TPST2: variants seen among roughly 807,000 people sequenced by gnomAD.
The protein encoded by TPST2 is protein-tyrosine sulfotransferase 2.
Under a neutral mutation model 27.8 loss-of-function variants are expected in TPST2, and 16 were observed. The ratio of observed to expected loss-of-function variants is 0.58; its 90% confidence interval spans 0.39 to 0.88. The LOEUF (loss-of-function observed/expected upper bound fraction) is 0.88, where lower values mean the gene tolerates loss of function less well. Among genes scored for constraint, TPST2 ranks in the 40% least tolerant of loss-of-function variants. The pLI, the probability that TPST2 is intolerant of heterozygous loss-of-function variation, is 0.00. For synonymous variants in TPST2, 229 were observed against 231.7 expected (o/e 0.99, Z 0.10); for missense variants, 464 against 543.1 (o/e 0.85, Z 1.45).
intron 1 of TPST2, among the ~76,000 whole-genome samples, chr22:26,559,249 C>T (rs143468391): frequency 9.6e-4 from 146 of 152,338 alleles, no homozygotes; most frequent in African/African-American, 3.2e-3. Context: ...GCCTGTAATC[C>T]CAGCTGCTCA....
At chr22:26,577,271 A>G (rs1418263271) in intron 1 of TPST2, among the ~76,000 whole-genome samples, 1 of 151,240 alleles carries the variant, frequency 6.6e-6, no homozygotes, top group Non-Finnish European at 1.5e-5. Context: ...TCTTTAAAAA[A>G]AAAAAAAAAA....
chr22:26,566,812 C>T (rs1216429281), intron 1 of TPST2, among the ~76,000 whole-genome samples: 1 of 152,030 alleles, frequency 6.6e-6, no homozygotes, highest in Non-Finnish European at 1.5e-5. Flanking sequence ...GACAACACTC[C>T]CAATCCCTCT....
At chr22:26,588,233 G>A (rs1319251969) in intron 1 of TPST2, among the ~76,000 whole-genome samples, 1 of 151,628 alleles carries the variant, frequency 6.6e-6, no homozygotes, top group African/African-American at 2.4e-5. Flanking sequence ...ACTGATACAG[G>A]CTGCAAGGGG....
Position 26,560,775 on chromosome 22 carries a change from G to A in TPST2, c.-160-16100C>T, listed in dbSNP as rs964893762. On this transcript the variant is annotated intron_variant, in intron 1 of 6. Coordinates refer to ENST00000338754, the MANE Select transcript of TPST2 (RefSeq NM_003595.5). The stretch of plus-strand genomic sequence containing the variant: ...GAAAACCTATATCCCTCCCAAAGGG[G>A]AGACAAAAAAGAAGTTCAAGGATCC... 4.0e-6 allele frequency: 5 copies of A among 1,241,652 alleles called. No individual in the cohort carries two copies. The African/African-American group carries it at 4.4e-5, about 11-fold the overall frequency. The allele number at this position is 1,241,652 out of a possible 1,614,324, so 76.9% of individuals were successfully genotyped here.
chr22:26,559,342 G>T (rs1234673481), intron 1 of TPST2, among the ~76,000 whole-genome samples: 1 of 152,226 alleles, frequency 6.6e-6, no homozygotes, highest in Non-Finnish European at 1.5e-5. Context: ...CTCCAGCCTG[G>T]ACAACAGAGC....
chr22:26,536,338 G>C lies in TPST2; in HGVS notation c.991C>G (p.Pro331Ala). The C allele has an allele frequency of 6.2e-7, 1 of 1,614,160 alleles. No homozygotes were observed. Among genetic ancestry groups the C allele is most frequent in the South Asian group, 1.1e-5 (1 of 91,086 alleles). Reference protein sequence around the residue: ...AQLGYDPYANPPNYGNPDPFV... With the variant: ...AQLGYDPYANAPNYGNPDPFV... ...GGGTCAGGGTTGCCATAGTTGGGGG[G>C]GTTTGCATAAGGGTCATAGCCGAGC... is the stretch of plus-strand genomic sequence containing the variant. Residue 331 changes from proline (P) to alanine (A), a missense_variant, in exon 4 of 7, where the codon CCC (proline) becomes GCC (alanine). By Grantham distance (27) the Pro-to-Ala change is conservative. Transcript: ENST00000338754.
chr22:26,540,907 C>T lies in TPST2; in HGVS notation c.724G>A (p.Val242Met). 6.2e-7 allele frequency: 1 copy of T among 1,614,206 alleles called. No individual in the cohort carries two copies. Among genetic ancestry groups the T allele is most frequent in the Non-Finnish European group, 8.5e-7 (1 of 1,180,038 alleles). Residue 242 changes from valine (V) to methionine (M), a missense_variant, in exon 3 of 7, where the codon GTG becomes ATG. Transcript: ENST00000338754. The part of the protein sequence containing the change: ...KCLPVYYEQL[V>M]LHPRRSLKLI... ...TTGAGTGAGCGCCTGGGGTGCAGCACCAGCTGCTCGTAGTACACAGGCAGG... is the reference window on the plus strand; with the variant it reads ...TTGAGTGAGCGCCTGGGGTGCAGCATCAGCTGCTCGTAGTACACAGGCAGG...
intron 2 of TPST2, among the ~76,000 whole-genome samples, chr22:26,542,229 GA>G (rs1925897836): frequency 7.0e-6 from 1 of 142,168 alleles, no homozygotes; most frequent in Admixed American, 7.2e-5. Context: ...GCGACAGAGC[GA>G]GACTCCGTCT....
In TPST2 at chr22:26,567,693, T is replaced by C. The variant is rs143266328; in HGVS notation, c.-161+22360A>G. ...CAAACAAATATTTATACTGAGAACA[T>C]ATAAAGAGTTCTGTGAAATCAATTT... On this transcript the variant is annotated intron_variant, in intron 1 of 6. Transcript: ENST00000338754. Among the ~76,000 whole-genome samples the C allele has an allele frequency of 1.7e-3, 258 of 152,232 alleles. 3 individuals carry two copies. The highest frequency in any genetic ancestry group is 5.9e-3 in the African/African-American group (243 of 41,524).
rs149872084 is a variant in TPST2 at position 26,561,421 on chromosome 22, G to T, written c.-160-16746C>A. 8.5e-5 allele frequency among the ~76,000 whole-genome samples: 13 copies of T among 152,264 alleles called. No individual in the cohort carries two copies. In the East Asian group the frequency reaches 2.5e-3, roughly 29 times the overall value. ...TAAATTGGCATGGAAATTTAAAGCGGGTTCTTGTTGGTGCACAGCACAAAT... is the reference window on the plus strand; with the variant it reads ...TAAATTGGCATGGAAATTTAAAGCGTGTTCTTGTTGGTGCACAGCACAAAT... On this transcript the variant is annotated intron_variant, in intron 1 of 6. Transcript: ENST00000338754.
intron 5 of TPST2, among the ~76,000 whole-genome samples, chr22:26,532,037 G>C (rs979724312): frequency 6.6e-6 from 1 of 152,196 alleles, no homozygotes; most frequent in Non-Finnish European, 1.5e-5. Flanking sequence ...GAGGGGCTGA[G>C]GTGAGAGGAT....
chr22:26,535,072 A>C (rs1020229269), intron 4 of TPST2, among the ~76,000 whole-genome samples: 1 of 152,220 alleles, frequency 6.6e-6, no homozygotes, highest in Non-Finnish European at 1.5e-5. Context: ...CCCAAAGCTC[A>C]GCGTTAGTAA....
At chr22:26,538,533 T>C (rs1569179923) in intron 3 of TPST2, among the ~76,000 whole-genome samples, 1 of 152,216 alleles carries the variant, frequency 6.6e-6, no homozygotes, top group Non-Finnish European at 1.5e-5. Flanking sequence ...TTCAAAATGA[T>C]GCTGCAGGTC....
rs1158214765 is a variant in TPST2 at position 26,541,623 on chromosome 22, A to G, written c.8T>C (p.Leu3Pro). Residue 3 changes from leucine (L) to proline (P), a missense_variant, in exon 3 of 7, where the codon CTG becomes CCG. Coordinates refer to ENST00000338754, the MANE Select transcript of TPST2 (RefSeq NM_003595.5). This position sits in a 1 kb window ranked among gnomAD's most constrained non-coding sequence, Gnocchi z 5.9. MR[L>P]SVRRVLLAAG... ...TGCCAGCAGCACCCTCCGCACCGAC[A>G]GGCGCATGCTGGGCCGGAGGCAGGG... 1 of 1,576,174 alleles carries G rather than the reference A, an allele frequency of 6.3e-7. No homozygotes were observed. Among genetic ancestry groups the G allele is most frequent in the Admixed American group, 1.8e-5 (1 of 56,024 alleles).
At chr22:26,574,482 G>A (rs1418250353) in intron 1 of TPST2, among the ~76,000 whole-genome samples, 3 of 151,998 alleles carry the variant, frequency 2.0e-5, no homozygotes, top group Admixed American at 6.6e-5. Context: ...CTGCCTCACG[G>A]GTCACTGTGA....
At chr22:26,547,020 T>C (rs1456140948) in intron 1 of TPST2, among the ~76,000 whole-genome samples, 2 of 152,054 alleles carry the variant, frequency 1.3e-5, no homozygotes, top group Non-Finnish European at 1.5e-5. Flanking sequence ...CACTGCAGAG[T>C]GTTCTGCTGG....
intron 1 of TPST2, among the ~76,000 whole-genome samples, chr22:26,563,490 G>A (rs5761604): frequency 0.038 from 5,817 of 152,044 alleles, 328 homozygotes; most frequent in East Asian, 0.24. Flanking sequence ...CTCCACGCCC[G>A]GCTAATTTTT....
chr22:26,585,777 G>A (rs901893299), intron 1 of TPST2, among the ~76,000 whole-genome samples: 30 of 152,148 alleles, frequency 2.0e-4, no homozygotes, highest in African/African-American at 2.7e-4. Context: ...CAGGCCAGGC[G>A]TGGTGGCTCA....
chr22:26,544,785 ATTTGG>A, intron 1 of TPST2, 110 bp from the exon 2 acceptor site: 1 of 497,348 alleles, frequency 2.0e-6, no homozygotes, highest in Non-Finnish European at 2.6e-6. Flanking sequence ...GGACAGTGAC[ATTTGG>A]GAGAAGGACT....
Sources: gnomAD v4.1 joint callset for allele counts (sites outside exome capture counted in the v4.1 genomes callset) on GRCh38, gnomAD v4.1.1 for gene constraint, Gnocchi (gnomAD v3.1) non-coding constraint, MANE v1.5 for transcripts, NCBI Gene and HGNC (gene_info 2026-07-23, HGNC 2026-07-21) for gene names.